ABL1: variants seen among roughly 807,000 people sequenced by gnomAD.
ABL1 encodes the protein tyrosine-protein kinase ABL1.
In ABL1, 11 loss-of-function variants were observed where a neutral mutation model predicts 94.7. The ratio of observed to expected loss-of-function variants is 0.12; its 90% CI spans 0.07 to 0.19. The LOEUF is 0.19. Among genes scored for constraint, ABL1 ranks in the 10% least tolerant of loss-of-function variants. The probability of loss-of-function intolerance (pLI) is 1.00; values close to 1 mark genes in which losing one functional copy is unlikely to be tolerated. For missense variants in ABL1, 1,082 were observed against 1,489.4 expected (o/e 0.73, Z 4.50); for synonymous variants, 656 against 622.4 (o/e 1.05, Z -0.80).
chr9:130,816,190 G>C (rs755661109), intron 1 of ABL1, among the ~76,000 whole-genome samples: 92 of 152,014 alleles, frequency 6.1e-4, no homozygotes, highest in Non-Finnish European at 1.2e-3. Flanking sequence ...ATGATCCCCA[G>C]TCATCCTCCC....
intron 10 of ABL1, among the ~76,000 whole-genome samples, chr9:130,881,871 C>T (rs1252725543): frequency 7.1e-6 from 1 of 140,240 alleles, no homozygotes; most frequent in Non-Finnish European, 1.5e-5. Context: ...CACGTACTCT[C>T]ATTAGTAAAA....
intron 1 of ABL1, among the ~76,000 whole-genome samples, chr9:130,771,178 A>G (rs1209383414): frequency 6.6e-6 from 1 of 152,212 alleles, no homozygotes. Context: ...ATTGTAGGCC[A>G]GCATTGAGTA....
At chr9:130,875,296 C>G (rs191372344) in intron 7 of ABL1, among the ~76,000 whole-genome samples, 1 of 152,112 alleles carries the variant, frequency 6.6e-6, no homozygotes, top group Non-Finnish European at 1.5e-5. Flanking sequence ...CACCCGCCAC[C>G]ACACCCAGCT....
intron 1 of ABL1, among the ~76,000 whole-genome samples, chr9:130,717,259 T>A (rs1439101344): frequency 6.6e-6 from 1 of 152,044 alleles, no homozygotes; most frequent in East Asian, 1.9e-4. Flanking sequence ...GCCAGGCTGG[T>A]CTTGAACTCC....
chr9:130,722,340 C>A (rs916446872), intron 1 of ABL1, among the ~76,000 whole-genome samples: 1 of 152,080 alleles, frequency 6.6e-6, no homozygotes, highest in Admixed American at 6.6e-5. Flanking sequence ...TTGCAGTGAG[C>A]CAAGATCACA....
At chr9:130,852,675 G>C (rs1289347669) in intron 1 of ABL1, among the ~76,000 whole-genome samples, 1 of 150,980 alleles carries the variant, frequency 6.6e-6, no homozygotes, top group Non-Finnish European at 1.5e-5. Flanking sequence ...TTTGAGCCCT[G>C]TTCAAAAAAA....
intron 1 of ABL1, among the ~76,000 whole-genome samples, chr9:130,734,966 T>A (rs1451816303): frequency 1.3e-5 from 2 of 152,118 alleles, no homozygotes; most frequent in Non-Finnish European, 2.9e-5. Flanking sequence ...ATTTAAAAAA[T>A]TTATACATTG....
At position 130,880,642 on chromosome 9, in the gene ABL1, C is replaced by T. The variant is rs1387804546; in HGVS notation, c.1656C>T (p.His552=). The change falls in exon 10 of 11, where the codon CAC becomes CAT. Residue 552 remains histidine (H), a synonymous_variant. Coordinates refer to ENST00000318560, the MANE Select transcript of ABL1 (RefSeq NM_005157.6). The surrounding 1 kb of genome is among the most constrained non-coding windows in gnomAD (Gnocchi z 4.4). ...CCACTGACGTGCCTGAGATGCCTCA[C>T]TCCAAGGGCCAGGGAGAGAGCGGTA... ...RDTTDVPEMP[H]SKGQGESDPL... 6.2e-7 allele frequency: 1 copy of T among 1,613,748 alleles called. No homozygotes were observed. Among genetic ancestry groups the T allele is most frequent in the East Asian group, 2.2e-5 (1 of 44,864 alleles).
intron 1 of ABL1, among the ~76,000 whole-genome samples, chr9:130,805,786 C>T (rs1245762397): frequency 6.6e-6 from 1 of 152,240 alleles, no homozygotes; most frequent in East Asian, 1.9e-4. Flanking sequence ...CCTTTAAAAG[C>T]CAGCTCTTAT....
intron 1 of ABL1, among the ~76,000 whole-genome samples, chr9:130,749,457 G>A (rs1831928349): frequency 6.6e-6 from 1 of 152,206 alleles, no homozygotes. Flanking sequence ...ACCTCCCAGA[G>A]CCTATCCCCT....
intron 1 of ABL1, among the ~76,000 whole-genome samples, chr9:130,781,994 A>G (rs556433221): frequency 6.6e-6 from 1 of 152,368 alleles, no homozygotes; most frequent in East Asian, 1.9e-4. Flanking sequence ...ATGTACATAT[A>G]CAGCTGAAGA....
chr9:130,812,200 C>CAAAAA (rs35352789), intron 1 of ABL1, among the ~76,000 whole-genome samples: 4 of 48,730 alleles, frequency 8.2e-5, no homozygotes, highest in African/African-American at 1.9e-4. Flanking sequence ...TCCATCTCTA[C>CAAAAA]AAAAAAAAAA....
intron 1 of ABL1, among the ~76,000 whole-genome samples, chr9:130,730,998 C>CTTTTTTT (rs11300328): frequency 1.6e-5 from 1 of 64,494 alleles, no homozygotes; most frequent in Non-Finnish European, 2.7e-5. Flanking sequence ...CTCTATCTCT[C>CTTTTTTT]TTTTTTTTTT....
intron 1 of ABL1, chr9:130,714,531 C>T: frequency 6.3e-7 from 1 of 1,574,994 alleles, no homozygotes; most frequent in Non-Finnish European, 8.7e-7. Flanking sequence ...CTTTGAACAA[C>T]AGTACTTGCG....
intron 1 of ABL1, among the ~76,000 whole-genome samples, chr9:130,725,608 G>C (rs1341902153): frequency 6.6e-6 from 1 of 151,928 alleles, no homozygotes; most frequent in Non-Finnish European, 1.5e-5. Flanking sequence ...TCGAACTCCT[G>C]ACCTCAGGTG....
chr9:130,767,125 G>A (rs933832087), intron 1 of ABL1, among the ~76,000 whole-genome samples: 2 of 152,106 alleles, frequency 1.3e-5, no homozygotes, highest in Admixed American at 6.5e-5. Context: ...ACATCTTTTC[G>A]GAAAGACCTT....
intron 1 of ABL1, among the ~76,000 whole-genome samples, chr9:130,849,799 G>C (rs769503587): frequency 6.6e-6 from 1 of 152,304 alleles, no homozygotes; most frequent in East Asian, 1.9e-4. Flanking sequence ...TTACAGGTGT[G>C]AGCCACCGCA....
intron 1 of ABL1, among the ~76,000 whole-genome samples, chr9:130,824,305 A>C (rs1830399306): frequency 6.6e-6 from 1 of 152,176 alleles, no homozygotes; most frequent in South Asian, 2.1e-4. Context: ...GAGAAGATCC[A>C]TGTCCCAGCT....
At chr9:130,727,763 C>T (rs139471435) in intron 1 of ABL1, among the ~76,000 whole-genome samples, 8 of 114,362 alleles carry the variant, frequency 7.0e-5, no homozygotes, top group Non-Finnish European at 1.3e-4. Context: ...CCCCCCCCCC[C>T]AAAAAAAAGC....
Sources: allele counts gnomAD v4.1 joint callset (sites outside exome capture counted in the v4.1 genomes callset), GRCh38; gene constraint gnomAD v4.1.1; non-coding constraint Gnocchi (gnomAD v3.1); transcripts MANE v1.5; gene names NCBI Gene and HGNC (gene_info 2026-07-23, HGNC 2026-07-21).